SEMA4D: variants seen among roughly 807,000 people sequenced by gnomAD.
SEMA4D encodes the protein semaphorin 4D, also known as semaphorin-4D.
A neutral mutation model predicts 74.8 loss-of-function variants in SEMA4D; 22 were observed. The ratio of observed to expected loss-of-function variants is 0.29; its 90% confidence interval spans 0.21 to 0.42. The LOEUF (loss-of-function observed/expected upper bound fraction) is 0.42. Ranked by LOEUF, SEMA4D falls within the 10% of genes least tolerant of loss-of-function variation. The probability of loss-of-function intolerance (pLI) is 1.00; values close to 1 mark genes in which losing one functional copy is unlikely to be tolerated. For missense variants in SEMA4D, 937 were observed against 1,118.4 expected (o/e 0.84, Z 2.31); for synonymous variants, 445 against 463.7 (o/e 0.96, Z 0.52).
chr9:89,470,233 A>G (rs1469129815), intron 1 of SEMA4D, among the ~76,000 whole-genome samples: 2 of 152,238 alleles, frequency 1.3e-5, no homozygotes, highest in Non-Finnish European at 2.9e-5. Context: ...TGCAAATCAC[A>G]TATCTGACAA....
In SEMA4D at chr9:89,379,326, G is replaced by A. The variant is rs148535806; in HGVS notation, c.1967C>T (p.Pro656Leu). ...VKVVPKPVVA[P>L]TLSVVQTEGS... ...TTCTGTCTGAACAACTGACAAGGTGGGGGCCACTACGGGCTTTGGAACCAC... is the reference window on the plus strand; with the variant it reads ...TTCTGTCTGAACAACTGACAAGGTGAGGGCCACTACGGGCTTTGGAACCAC... The change falls in exon 16 of 16, where the codon CCC becomes CTC. Residue 656 changes from proline (P) to leucine (L), a missense_variant. Transcript: ENST00000422704. 2 of 1,614,064 alleles carry A rather than the reference G, an allele frequency of 1.2e-6. No homozygotes were observed. Among genetic ancestry groups the A allele is most frequent in the Non-Finnish European group, 1.7e-6 (2 of 1,180,044 alleles).
At chr9:89,412,317 A>G (rs889567463) in intron 2 of SEMA4D, among the ~76,000 whole-genome samples, 2 of 152,178 alleles carry the variant, frequency 1.3e-5, no homozygotes, top group Non-Finnish European at 2.9e-5. Context: ...GACCAAACCC[A>G]GGGATGGCAA....
At chr9:89,375,763 A>G (rs576408569), downstream of SEMA4D, among the ~76,000 whole-genome samples, 2 of 152,328 alleles carry the variant, frequency 1.3e-5, no homozygotes, top group East Asian at 3.9e-4. Context: ...GACATCTACT[A>G]TCTTTCAAGA....
chr9:89,483,006 G>A (rs756867802), intron 1 of SEMA4D, among the ~76,000 whole-genome samples: 3 of 152,158 alleles, frequency 2.0e-5, no homozygotes, highest in African/African-American at 7.2e-5. Flanking sequence ...GTATCTCCCC[G>A]AAGGCTTGAT....
intron 15 of SEMA4D, among the ~76,000 whole-genome samples, chr9:89,380,088 A>C (rs1181691706): frequency 1.3e-5 from 2 of 152,092 alleles, no homozygotes; most frequent in African/African-American, 4.8e-5. Context: ...GCTGGAGTGC[A>C]GTGGTGCAAT....
intron 6 of SEMA4D, among the ~76,000 whole-genome samples, chr9:89,396,060 G>T (rs889869670): frequency 1.3e-5 from 2 of 152,164 alleles, no homozygotes; most frequent in Non-Finnish European, 2.9e-5. Flanking sequence ...CGTCACACAG[G>T]GGGAGGTGCC....
intron 2 of SEMA4D, among the ~76,000 whole-genome samples, chr9:89,438,297 T>C (rs1373805499): frequency 6.6e-6 from 1 of 152,236 alleles, no homozygotes; most frequent in African/African-American, 2.4e-5. Flanking sequence ...CAGCTGGTGC[T>C]GGACTTGTGC....
At chr9:89,369,184 G>A (rs1834161232) in intron 16 of SEMA4D, 1 of 152,242 alleles carries the variant, frequency 6.6e-6, no homozygotes, top group Non-Finnish European at 1.5e-5. Flanking sequence ...ATGTCACAGA[G>A]CAGCTGGAAC....
chr9:89,450,441 G>C lies in SEMA4D; in HGVS notation c.-244+5447C>G, dbSNP rs532341957. 254 of 1,392,136 alleles carry C rather than the reference G, an allele frequency of 1.8e-4. 2 individuals are homozygous for C. In the South Asian group the frequency reaches 2.7e-3, roughly 15 times the overall value. The allele number at this position is 1,392,136 out of a possible 1,614,324, so 86.2% of individuals were successfully genotyped here. A position where few individuals can be genotyped will look rare whatever the true frequency, so the allele number is the denominator to read the frequency against. On this transcript the variant is annotated intron_variant, in intron 2 of 15. Coordinates refer to ENST00000422704, the MANE Select transcript of SEMA4D (RefSeq NM_001371194.2). ...GAAGAAGGCTTGGATGGGTGTGGTGGAGTGCGCCAAACATGAAATGCTGCA... is the reference window on the plus strand; with the variant it reads ...GAAGAAGGCTTGGATGGGTGTGGTGCAGTGCGCCAAACATGAAATGCTGCA...
chr9:89,454,981 C>T (rs1282367156), intron 2 of SEMA4D, among the ~76,000 whole-genome samples: 2 of 152,254 alleles, frequency 1.3e-5, no homozygotes, highest in East Asian at 1.9e-4. Context: ...CATGAAGTGA[C>T]GGGCCAGCCC....
chr9:89,428,951 T>C (rs949200294), intron 2 of SEMA4D, among the ~76,000 whole-genome samples: 1 of 152,196 alleles, frequency 6.6e-6, no homozygotes, highest in East Asian at 1.9e-4. Context: ...AGGCTCCGCA[T>C]GACTGCTCCA....
chr9:89,436,638 G>A (rs946278697), intron 2 of SEMA4D: 2 of 152,534 alleles, frequency 1.3e-5, no homozygotes, highest in African/African-American at 4.8e-5. Flanking sequence ...CAGCGATGTG[G>A]GCCTGATTGT....
At chr9:89,375,347 C>T (rs1251515486), downstream of SEMA4D, among the ~76,000 whole-genome samples, 4 of 152,274 alleles carry the variant, frequency 2.6e-5, no homozygotes, top group East Asian at 5.8e-4. Flanking sequence ...AGCCTTGGTC[C>T]GTAGCACCCA....
intron 2 of SEMA4D, among the ~76,000 whole-genome samples, chr9:89,427,314 C>T (rs1036412972): frequency 6.6e-6 from 1 of 152,164 alleles, no homozygotes; most frequent in African/African-American, 2.4e-5. Flanking sequence ...GTCCATCCAA[C>T]CCCAAATAGC....
chr9:89,392,295 C>CT, intron 8 of SEMA4D, 128 bp downstream of exon 8: 2 of 574,714 alleles, frequency 3.5e-6, no homozygotes. Context: ...TGGGAAGTAT[C>CT]CCCCACAAAC....
intron 1 of SEMA4D, chr9:89,479,724 C>T (rs1178689925): frequency 3.2e-5 from 5 of 157,420 alleles, no homozygotes; most frequent in South Asian, 1.6e-4. Context: ...TGGAGTTGTT[C>T]GTTCCTCCCG....
chr9:89,426,971 C>G (rs1848248727), intron 2 of SEMA4D, among the ~76,000 whole-genome samples: 1 of 152,132 alleles, frequency 6.6e-6, no homozygotes, highest in African/African-American at 2.4e-5. Flanking sequence ...TAGGTCTGTC[C>G]CCAGCGAGTT....
chr9:89,442,964 C>T lies in SEMA4D; in HGVS notation c.-244+12924G>A, dbSNP rs766820637. 1.6e-3 allele frequency among the ~76,000 whole-genome samples: 239 copies of T among 152,340 alleles called. 3 individuals carry two copies. Among genetic ancestry groups the T allele is most frequent in the Middle Eastern group, 3.4e-3 (1 of 294 alleles). ...CCTGTGAGACTTTTAAGGGCCTTCA[C>T]TGGGGCTAGAGCAACCTCGGATGCC... is the stretch of plus-strand genomic sequence containing the variant. On this transcript the variant is annotated intron_variant, in intron 2 of 15. Coordinates refer to ENST00000422704, the MANE Select transcript of SEMA4D (RefSeq NM_001371194.2).
rs1350340219 is a variant in SEMA4D, at chr9:89,492,047, T to C, written c.-310+5872A>G. On this transcript the variant is annotated intron_variant, in intron 1 of 15. Coordinates refer to ENST00000422704, the MANE Select transcript of SEMA4D (RefSeq NM_001371194.2). This position sits in a 1 kb window ranked among gnomAD's most constrained non-coding sequence, Gnocchi z 4.3. ...CTTCCAAGCGGGCCTCCCTCAGCCC[T>C]ATCTGCCCATGACCCCCCTCCACTT... 6.6e-6 allele frequency among the ~76,000 whole-genome samples: 1 copy of C among 152,146 alleles called. No individual in the cohort carries two copies. Among genetic ancestry groups the C allele is most frequent in the African/African-American group, 2.4e-5 (1 of 41,438 alleles).
Sources: allele counts gnomAD v4.1 joint callset (sites outside exome capture counted in the v4.1 genomes callset), GRCh38; gene constraint gnomAD v4.1.1; non-coding constraint Gnocchi (gnomAD v3.1); transcripts MANE v1.5; gene names NCBI Gene and HGNC (gene_info 2026-07-23, HGNC 2026-07-21).